CFAP221: variants seen among roughly 807,000 people sequenced by gnomAD.
CFAP221 encodes cilia- and flagella-associated protein 221.
CFAP221 carries 97 observed loss-of-function variants against 113.1 expected under a neutral mutation model. The ratio of observed to expected loss-of-function variants is 0.86; its 90% CI spans 0.73 to 1.02. The LOEUF (loss-of-function observed/expected upper bound fraction) is 1.02, where lower values mean the gene tolerates loss of function less well. CFAP221 is among the 50% of genes least tolerant of loss of function. The pLI is 0.00. For synonymous variants in CFAP221, 331 were observed against 354.4 expected (o/e 0.93, Z 0.74); for missense variants, 1,025 against 1,013.4 (o/e 1.01, Z -0.16).
intron 8 of CFAP221, among the ~76,000 whole-genome samples, chr2:119,602,978 A>G (rs545221399): frequency 6.6e-6 from 1 of 152,288 alleles, no homozygotes; most frequent in African/African-American, 2.4e-5. Flanking sequence ...TACTCTTGAC[A>G]TTGTCAAGGA....
intron 14 of CFAP221, 85 bp downstream of exon 14, chr2:119,615,794 T>C: frequency 1.0e-6 from 1 of 970,402 alleles, no homozygotes; most frequent in East Asian, 2.7e-5. Context: ...ATAACACCTT[T>C]ATTGAGATAC....
chr2:119,611,537 TG>T, intron 12 of CFAP221, 115 bp from the exon 13 acceptor site: 1 of 776,362 alleles, frequency 1.3e-6, no homozygotes, highest in Non-Finnish European at 2.1e-6. Context: ...CCACTTCCAA[TG>T]GGAACGTCGT....
chr2:119,598,306 C>T (rs1343536378), intron 7 of CFAP221, among the ~76,000 whole-genome samples: 1 of 152,194 alleles, frequency 6.6e-6, no homozygotes, highest in Non-Finnish European at 1.5e-5. Flanking sequence ...TACTTTTGCA[C>T]ATGCTTTATA....
At chr2:119,611,228 T>G (rs1685136656) in intron 12 of CFAP221, among the ~76,000 whole-genome samples, 1 of 152,104 alleles carries the variant, frequency 6.6e-6, no homozygotes. Flanking sequence ...AGTTACAGTT[T>G]CCTAAAATTC....
rs1686646323 is a variant in CFAP221, at chr2:119,629,887, C to G, written c.1663C>G (p.Leu555Val). The G allele has an allele frequency of 6.2e-7, 1 of 1,612,984 alleles. No homozygotes were observed. The highest frequency in any genetic ancestry group is 8.5e-7 in the Non-Finnish European group (1 of 1,179,204). Residue 555 changes from leucine to valine, a missense_variant, in exon 17 of 24, where the codon CTT (leucine) becomes GTT (valine). Physicochemically the swap from Leu to Val is conservative, Grantham distance 32. Coordinates refer to ENST00000413369, the MANE Select transcript of CFAP221 (RefSeq NM_001271049.2). ...TTTCACATTTTAGGCTCCTGATGGC[C>G]TTGGACTGGTCCCAATTAAGTCTTC... The part of the protein sequence containing the change: ...QDSNELAPDG[L>V]GLVPIKSSEV...
At chr2:119,569,427 A>AT (rs1464210668) in intron 6 of CFAP221, among the ~76,000 whole-genome samples, 10 of 150,644 alleles carry the variant, frequency 6.6e-5, no homozygotes, top group Admixed American at 2.6e-4. Flanking sequence ...TTCTTTCAAT[A>AT]TTTTTTTTTC....
At chr2:119,589,066 GCTGGTTTGAATGAC>G (rs1405669665) in intron 7 of CFAP221, among the ~76,000 whole-genome samples, 6 of 152,204 alleles carry the variant, frequency 3.9e-5, no homozygotes, top group African/African-American at 1.4e-4. Context: ...CCCGTCTTTT[GCTGGTTTGAATGAC>G]CTGCATTGTG....
Position 119,594,730 on chromosome 2 carries a change from A to G in CFAP221, c.632-6488A>G, listed in dbSNP as rs958104592. ...AGAAGGGATAATAATTTGAATAGCT[A>G]ATGCTTACATCGTGCTTACCATGTG... On this transcript the variant is annotated intron_variant, in intron 7 of 23. Coordinates refer to ENST00000413369, the MANE Select transcript of CFAP221 (RefSeq NM_001271049.2). Among the ~76,000 whole-genome samples the G allele has an allele frequency of 5.9e-5, 9 of 152,242 alleles. No individual in the cohort carries two copies. The East Asian group carries it at 1.5e-3, about 26-fold the overall frequency.
rs891303614 is a variant in CFAP221 at position 119,656,488 on chromosome 2, G to A, written c.*18G>A. Reference sequence around the variant, plus strand: ...TAGAATGAAAGTCACCAGTAGGTCAGTCCCTTCCATTTGCTTTCCGTGGGC... The same window carrying A: ...TAGAATGAAAGTCACCAGTAGGTCAATCCCTTCCATTTGCTTTCCGTGGGC... On this transcript the variant is annotated 3_prime_UTR_variant, in exon 24 of 24. Coordinates refer to ENST00000413369, the MANE Select transcript of CFAP221 (RefSeq NM_001271049.2). 14 of 1,588,296 alleles carry A rather than the reference G, an allele frequency of 8.8e-6. No individual in the cohort carries two copies. Among genetic ancestry groups the A allele is most frequent in the Non-Finnish European group, 1.1e-5 (13 of 1,157,270 alleles).
downstream of CFAP221, among the ~76,000 whole-genome samples, chr2:119,659,716 T>G (rs1490150303): frequency 2.5e-5 from 2 of 78,624 alleles, no homozygotes; most frequent in Non-Finnish European, 6.2e-5. Flanking sequence ...CATAACCCAC[T>G]CGTCCGCACC....
chr2:119,618,898 G>A (rs1001260307), intron 14 of CFAP221, among the ~76,000 whole-genome samples: 2 of 152,148 alleles, frequency 1.3e-5, no homozygotes, highest in South Asian at 2.1e-4. Context: ...GAGCTTGGTG[G>A]GGGGAGGGGC....
At chr2:119,630,182 A>G (rs1490800973) in intron 17 of CFAP221, among the ~76,000 whole-genome samples, 1 of 152,270 alleles carries the variant, frequency 6.6e-6, no homozygotes, top group African/African-American at 2.4e-5. Flanking sequence ...TATCATGCAT[A>G]TATGAAGCTA....
At chr2:119,595,966 C>G (rs1683937774) in intron 7 of CFAP221, among the ~76,000 whole-genome samples, 1 of 151,866 alleles carries the variant, frequency 6.6e-6, no homozygotes, top group Non-Finnish European at 1.5e-5. Flanking sequence ...AAGACGAGAG[C>G]CCATTGTGGC....
rs545119974 is a variant in CFAP221 at position 119,593,054 on chromosome 2, A to C, written c.631+5832A>C. Among the ~76,000 whole-genome samples, 5 of 152,200 alleles carry C rather than the reference A, an allele frequency of 3.3e-5. No homozygotes were observed. The East Asian group carries it at 9.6e-4, about 29-fold the overall frequency. On this transcript the variant is annotated intron_variant, in intron 7 of 23. Coordinates refer to ENST00000413369, the MANE Select transcript of CFAP221 (RefSeq NM_001271049.2). Reference sequence around the variant, plus strand: ...AACTAGTAAAACCTTGAATGTTTTCATGTTCTATTTGCTTTGTTCTCTTCC... The same window carrying C: ...AACTAGTAAAACCTTGAATGTTTTCCTGTTCTATTTGCTTTGTTCTCTTCC...
chr2:119,625,400 G>A (rs1329303138), intron 14 of CFAP221, among the ~76,000 whole-genome samples, 183 bp from the exon 15 acceptor site: 2 of 152,184 alleles, frequency 1.3e-5, no homozygotes, highest in African/African-American at 4.8e-5. Context: ...AGTCAGTATT[G>A]CCCAGACTTT....
At chr2:119,615,274 C>A (rs970498198) in intron 13 of CFAP221, among the ~76,000 whole-genome samples, 6 of 152,200 alleles carry the variant, frequency 3.9e-5, no homozygotes, top group African/African-American at 1.4e-4. Flanking sequence ...GATCTCACAG[C>A]CCATGCCTTT....
In CFAP221 at chr2:119,588,866, G is replaced by A. The variant is rs1683395082; in HGVS notation, c.631+1644G>A. On this transcript the variant is annotated intron_variant, in intron 7 of 23. Transcript: ENST00000413369. ...TTTGTACAGCCATGGGACTGGACAC[G>A]AGGTCACCTTGGGAGTGAGTGTGGA... is the stretch of plus-strand genomic sequence containing the variant. 3.9e-5 allele frequency among the ~76,000 whole-genome samples: 6 copies of A among 152,188 alleles called. No individual in the cohort carries two copies. In the South Asian group the frequency reaches 1.0e-3, roughly 26 times the overall value.
chr2:119,646,124 A>G (rs1687787337), intron 21 of CFAP221, among the ~76,000 whole-genome samples: 1 of 152,212 alleles, frequency 6.6e-6, no homozygotes, highest in African/African-American at 2.4e-5. Context: ...AAGTTATAAT[A>G]CTAAACAATA....
At chr2:119,572,324 G>C (rs905078346) in intron 6 of CFAP221, among the ~76,000 whole-genome samples, 35 of 152,076 alleles carry the variant, frequency 2.3e-4, no homozygotes, top group Non-Finnish European at 4.3e-4. Context: ...CCCTTCTGTA[G>C]GTTGAAACTG....
Sources: allele counts gnomAD v4.1 joint callset (sites outside exome capture counted in the v4.1 genomes callset), GRCh38; gene constraint gnomAD v4.1.1; transcripts MANE v1.5; gene names NCBI Gene and HGNC (gene_info 2026-07-23, HGNC 2026-07-21).